Variants in ATL3 observed in about 807,000 individuals in gnomAD.
ATL3 encodes the protein atlastin-3.
In ATL3, 49 loss-of-function variants were observed where a neutral mutation model predicts 69.5. That is an observed-to-expected ratio of 0.71 (90% CI 0.56 to 0.89). The LOEUF (loss-of-function observed/expected upper bound fraction) is 0.89. Ranked by LOEUF, ATL3 falls within the 40% of genes least tolerant of loss-of-function variation. The pLI is 0.00. For synonymous variants in ATL3, 214 were observed against 224.1 expected (o/e 0.95, Z 0.40); for missense variants, 606 against 645.7 (o/e 0.94, Z 0.67).
chr11:63,631,060 C>A lies in ATL3; in HGVS notation c.1519G>T (p.Ala507Ser), dbSNP rs769323613. The A allele has an allele frequency of 8.1e-6, 13 of 1,612,358 alleles. No homozygotes were observed. In the South Asian group the frequency reaches 1.2e-4, roughly 15 times the overall value. ...RELGGAIDFG[A>S]AYVLEQASSH... ...CTTACCTGCTCCAACACATATGCGG[C>A]ACCAAAATCAATAGCTCCGCCCAGC... Residue 507 changes from alanine (A) to serine (S), a missense_variant, in exon 12 of 13, where the codon GCC becomes TCC. Ala to Ser is a moderately conservative substitution (Grantham distance 99). Transcript: ENST00000398868.
chr11:63,667,855 G>T (rs979370450), intron 1 of ATL3, among the ~76,000 whole-genome samples: 2 of 151,920 alleles, frequency 1.3e-5, no homozygotes, highest in Admixed American at 1.3e-4. Context: ...AACTGTTGTG[G>T]GGGGCTATCC....
intron 10 of ATL3, among the ~76,000 whole-genome samples, chr11:63,634,937 G>A (rs1277003838): frequency 4.6e-5 from 7 of 151,966 alleles, no homozygotes; most frequent in Admixed American, 3.3e-4. Flanking sequence ...CAAGACGGTC[G>A]GATTGCTTGA....
intron 5 of ATL3, among the ~76,000 whole-genome samples, chr11:63,648,820 A>G (rs1209295772): frequency 6.6e-6 from 1 of 151,168 alleles, no homozygotes; most frequent in Non-Finnish European, 1.5e-5. Context: ...AAAAAAAAAA[A>G]GCAAAAAAAC....
In ATL3 at chr11:63,630,894, TAC is replaced by T. The variant is rs1222238226; in HGVS notation, c.1539+144_1539+145del. On this transcript the variant is annotated intron_variant, in intron 12 of 12. Coordinates refer to ENST00000398868, the MANE Select transcript of ATL3 (RefSeq NM_015459.5). Reference sequence around the variant, plus strand: ...TAATATCCTAAAGGATAATAAAACATACAGTCTATCAGAAAACAACAGCCAAC... The same window carrying T: ...TAATATCCTAAAGGATAATAAAACATAGTCTATCAGAAAACAACAGCCAAC... 11 of 656,220 alleles carry T rather than the reference TAC, an allele frequency of 1.7e-5. No individual in the cohort carries two copies. In the Admixed American group the frequency reaches 1.9e-4, roughly 12 times the overall value. The allele number at this position is 656,220 out of a possible 1,614,324, so 40.6% of individuals were successfully genotyped here.
chr11:63,671,519 G>A (rs538019795), upstream of ATL3: 5 of 1,438,544 alleles, frequency 3.5e-6, no homozygotes, highest in Admixed American at 3.2e-5. Context: ...GTGGCCCAAC[G>A]GACAGCCCGA....
chr11:63,662,212 C>CAAAAA (rs1228390912), intron 1 of ATL3, among the ~76,000 whole-genome samples: 1 of 84,738 alleles, frequency 1.2e-5, no homozygotes, highest in African/African-American at 4.4e-5. Flanking sequence ...GACTCTATCT[C>CAAAAA]AAAAAAAAAA....
chr11:63,670,593 TC>T (rs1415178624), intron 1 of ATL3: 1 of 152,256 alleles, frequency 6.6e-6, no homozygotes, highest in Non-Finnish European at 1.5e-5. Context: ...TTTAATACTT[TC>T]ACTATGTTTC....
Position 63,643,427 on chromosome 11 carries a change from G to A in ATL3, c.780C>T (p.Val260=), listed in dbSNP as rs2134488265. 2.5e-6 allele frequency: 4 copies of A among 1,612,738 alleles called. No homozygotes were observed. Among genetic ancestry groups the A allele is most frequent in the Non-Finnish European group, 3.4e-6 (4 of 1,179,312 alleles). ...RNHIHSCFSD[V]TCFLLPHPGL... ...CTGGATGTGGTAAGAGAAAGCAGGTGACATCGGAGAAACATGAGTGAATGT... is the reference window on the plus strand; with the variant it reads ...CTGGATGTGGTAAGAGAAAGCAGGTAACATCGGAGAAACATGAGTGAATGT... The change falls in exon 8 of 13, where the codon GTC becomes GTT. Residue 260 remains valine (V), a synonymous_variant. Transcript: ENST00000398868.
chr11:63,662,441 T>G (rs1940450369), intron 1 of ATL3, among the ~76,000 whole-genome samples: 1 of 152,224 alleles, frequency 6.6e-6, no homozygotes. Context: ...CAAATCTGTA[T>G]TTTGATAAAT....
chr11:63,644,102 C>T, intron 7 of ATL3, 67 bp downstream of exon 7: 1 of 1,077,902 alleles, frequency 9.3e-7, no homozygotes, highest in Non-Finnish European at 1.4e-6. Flanking sequence ...AACACAATAG[C>T]CAAAAGCAAA....
rs958342495 is a variant in ATL3 at position 63,626,722 on chromosome 11, C to A, written c.*2597G>T. 1 of 152,162 alleles carries A rather than the reference C, an allele frequency of 6.6e-6. No individual in the cohort carries two copies. The highest frequency in any genetic ancestry group is 1.5e-5 in the Non-Finnish European group (1 of 68,034). The allele number at this position is 152,162 out of a possible 1,614,324, so 9.4% of individuals were successfully genotyped here. Reference sequence around the variant, plus strand: ...ACGCAAACAGGCACAGTCTGAGCATCTGAACCACAAGTAAAAGGTGAGAGA... The same window carrying A: ...ACGCAAACAGGCACAGTCTGAGCATATGAACCACAAGTAAAAGGTGAGAGA... On this transcript the variant is annotated 3_prime_UTR_variant, in exon 13 of 13. Transcript: ENST00000398868.
chr11:63,629,351 CA>C lies in ATL3; in HGVS notation c.1593del (p.Gly532GlufsTer15). 6.2e-7 allele frequency: 1 copy of C among 1,614,128 alleles called. No individual in the cohort carries two copies. The highest frequency in any genetic ancestry group is 8.5e-7 in the Non-Finnish European group (1 of 1,180,010). The part of the protein sequence containing the change: ...STQATVRDAV[V>X]GRPSMDKKAQ Reference sequence around the variant, plus strand: ...GCTTTTTTATCCATGGATGGTCTTCCAACAACTGCATCCCTCACAGTGGCCT... The same window carrying C: ...GCTTTTTTATCCATGGATGGTCTTCCACAACTGCATCCCTCACAGTGGCCT... On this transcript the variant is annotated frameshift_variant, in exon 13 of 13. Coordinates refer to ENST00000398868, the MANE Select transcript of ATL3 (RefSeq NM_015459.5). LOFTEE classifies it high-confidence loss of function.
chr11:63,624,324 G>T lies in ATL3; in HGVS notation c.*4995C>A, dbSNP rs147919322. 1 of 152,286 alleles carries T rather than the reference G, an allele frequency of 6.6e-6. No homozygotes were observed. The highest frequency in any genetic ancestry group is 6.5e-5 in the Admixed American group (1 of 15,298). The allele number at this position is 152,286 out of a possible 1,614,324, so 9.4% of individuals were successfully genotyped here. Reference sequence around the variant, plus strand: ...ACAAGATTAGTATTAACTCCTTTAAGGCTTACATCCATGACAGCATGTATC... The same window carrying T: ...ACAAGATTAGTATTAACTCCTTTAATGCTTACATCCATGACAGCATGTATC... On this transcript the variant is annotated 3_prime_UTR_variant, in exon 13 of 13. Coordinates refer to ENST00000398868, the MANE Select transcript of ATL3 (RefSeq NM_015459.5).
intron 3 of ATL3, 50 bp from the exon 4 acceptor site, chr11:63,652,625 A>T (rs1315846857): frequency 2.2e-6 from 3 of 1,384,020 alleles, no homozygotes; most frequent in Non-Finnish European, 3.1e-6. Flanking sequence ...AGAAGGAGGA[A>T]ACCGTAAAGG....
intron 8 of ATL3, among the ~76,000 whole-genome samples, chr11:63,639,692 C>A (rs1231324713): frequency 6.6e-6 from 1 of 152,064 alleles, no homozygotes; most frequent in Non-Finnish European, 1.5e-5. Context: ...GAGTTAGAGG[C>A]TACAGTGAGC....
At chr11:63,638,747 A>T (rs1302733003) in intron 8 of ATL3, among the ~76,000 whole-genome samples, 2 of 152,026 alleles carry the variant, frequency 1.3e-5, no homozygotes. Context: ...AAAACTCAGC[A>T]GCTATTCTAG....
upstream of ATL3, chr11:63,671,755 C>T (rs746842058): frequency 3.7e-5 from 44 of 1,200,774 alleles, no homozygotes; most frequent in South Asian, 6.0e-4. Context: ...CGTGGTTCTC[C>T]GACGACTGAA....
At chr11:63,652,651 C>G in intron 3 of ATL3, 76 bp from the exon 4 acceptor site, 4 of 1,060,022 alleles carry the variant, frequency 3.8e-6, no homozygotes, top group Non-Finnish European at 5.6e-6. Context: ...TTGAAAAGTA[C>G]AGGTAATATA....
intron 10 of ATL3, among the ~76,000 whole-genome samples, chr11:63,635,258 G>A (rs1432077277): frequency 8.5e-5 from 13 of 152,092 alleles, no homozygotes; most frequent in African/African-American, 3.1e-4. Flanking sequence ...TTTCAACCAC[G>A]TATAATAAAC....
Sources: gnomAD v4.1 joint callset for allele counts (sites outside exome capture counted in the v4.1 genomes callset) on GRCh38, gnomAD v4.1.1 for gene constraint, MANE v1.5 for transcripts, NCBI Gene and HGNC (gene_info 2026-07-23, HGNC 2026-07-21) for gene names.